The following ARHGEF9 variants were observed in gnomAD, a reference collection of about 807,000 sequenced individuals.
ARHGEF9 encodes the protein Cdc42 guanine nucleotide exchange factor 9.
ARHGEF9 carries 2 observed loss-of-function variants against 41.3 expected under a neutral mutation model. The observed-to-expected ratio is 0.05, with a 90% CI of 0.02 to 0.15. ARHGEF9 has a LOEUF of 0.15. ARHGEF9 is among the 10% of genes least tolerant of loss of function. ARHGEF9 has a pLI of 1.00. For missense variants in ARHGEF9, 225 were observed against 424.7 expected (o/e 0.53, Z 4.13); for synonymous variants, 160 against 154.4 (o/e 1.04, Z -0.27).
intron 2 of ARHGEF9, among the ~76,000 whole-genome samples, chrX:63,717,587 T>C (rs2053390238): frequency 1.8e-5 from 2 of 112,261 alleles, no homozygotes; most frequent in Admixed American, 1.9e-4. Context: ...TTCAGATCTC[T>C]GATGGGCTAT....
chrX:63,701,547 T>C (rs782268033), intron 3 of ARHGEF9: 1 of 112,131 alleles, frequency 8.9e-6, no homozygotes, highest in African/African-American at 3.2e-5. Context: ...GTTCTTCCCA[T>C]GCTGGTGATG....
chrX:63,774,876 G>C (rs1234738184), intron 1 of ARHGEF9, among the ~76,000 whole-genome samples: 1 of 111,794 alleles, frequency 8.9e-6, no homozygotes, highest in Non-Finnish European at 1.9e-5. Flanking sequence ...AGAGTAAACA[G>C]ACAACTTACA....
chrX:63,764,734 C>T (rs1457333124), intron 1 of ARHGEF9, among the ~76,000 whole-genome samples: 1 of 111,759 alleles, frequency 8.9e-6, no homozygotes, highest in Non-Finnish European at 1.9e-5. Flanking sequence ...AAACCAAACA[C>T]TGCATGTTTT....
chrX:63,676,345 A>C (rs1556362215), intron 5 of ARHGEF9, among the ~76,000 whole-genome samples: 1 of 112,225 alleles, frequency 8.9e-6, no homozygotes, highest in Non-Finnish European at 1.9e-5. Context: ...TCTGGATCCC[A>C]TTGCTGACCC....
At chrX:63,704,865 G>A (rs1376650975) in intron 3 of ARHGEF9, among the ~76,000 whole-genome samples, 3 of 111,934 alleles carry the variant, frequency 2.7e-5, no homozygotes, top group Non-Finnish European at 5.6e-5. Flanking sequence ...TGGCAGGGCA[G>A]GGAGTGGGGC....
chrX:63,731,552 GTT>G (rs1165184937), intron 1 of ARHGEF9, among the ~76,000 whole-genome samples: 1 of 75,876 alleles, frequency 1.3e-5, no homozygotes, highest in Admixed American at 1.5e-4. Flanking sequence ...CCCTGTCTCA[GTT>G]TTTTTTTTTT....
rs145935438 is a variant in ARHGEF9 at position 63,737,516 on chromosome X, T to C, written c.31-12805A>G. Among the ~76,000 whole-genome samples the C allele has an allele frequency of 8.6e-3, 958 of 111,626 alleles. 2 individuals carry two copies. Among genetic ancestry groups the C allele is most frequent in the South Asian group, 0.032 (86 of 2,647 alleles). Reference sequence around the variant, plus strand: ...AAAAGGTCAGAAGACAAAACCTGAGTATTTCAAAATTTTGCCATGGGCTAT... The same window carrying C: ...AAAAGGTCAGAAGACAAAACCTGAGCATTTCAAAATTTTGCCATGGGCTAT... On this transcript the variant is annotated intron_variant, in intron 1 of 9. Coordinates refer to ENST00000671741, the MANE Select transcript of ARHGEF9 (RefSeq NM_001353921.2).
chrX:63,637,384 T>C lies in ARHGEF9; in HGVS notation c.*644A>G, dbSNP rs1413545689. The C allele has an allele frequency of 3.4e-6, 1 of 295,855 alleles. No individual in the cohort carries two copies. The highest frequency in any genetic ancestry group is 5.9e-6 in the Non-Finnish European group (1 of 169,728). 24.4% of individuals were successfully genotyped at this position (295,855 alleles called of 1,213,427 possible). ...ACAACAGAGCATGTCCAGACTGGCA[T>C]GACTGAGGACAGAGGATGCTGAAAA... On this transcript the variant is annotated 3_prime_UTR_variant, in exon 10 of 10. Transcript: ENST00000671741.
At chrX:63,685,495 T>C (rs1556374518) in intron 4 of ARHGEF9, among the ~76,000 whole-genome samples, 2 of 111,769 alleles carry the variant, frequency 1.8e-5, no homozygotes, top group East Asian at 5.6e-4. Flanking sequence ...GAAATACAAA[T>C]AACCTAAAAT....
chrX:63,754,079 A>G (rs1197728481), intron 1 of ARHGEF9, among the ~76,000 whole-genome samples: 29 of 112,189 alleles, frequency 2.6e-4, no homozygotes, highest in African/African-American at 8.8e-4. Context: ...GTTTAAAGGT[A>G]GTCTTCAAGG....
intron 1 of ARHGEF9, chrX:63,755,117 C>T: frequency 1.1e-6 from 1 of 938,955 alleles, no homozygotes; most frequent in Non-Finnish European, 1.3e-6. Context: ...CCTCTTCTCT[C>T]CCCATCCCCC....
intron 1 of ARHGEF9, among the ~76,000 whole-genome samples, chrX:63,757,143 T>C (rs2055949271): frequency 9.0e-6 from 1 of 111,533 alleles, no homozygotes. Context: ...GATTTCTGAG[T>C]TCTTCTGATT....
At chrX:63,684,841 G>A (rs2050882400) in intron 4 of ARHGEF9, among the ~76,000 whole-genome samples, 1 of 109,493 alleles carries the variant, frequency 9.1e-6, no homozygotes, top group South Asian at 3.9e-4. Context: ...GGAACCTAGA[G>A]GACATTATGC....
At chrX:63,641,599 T>C (rs2047637379) in intron 9 of ARHGEF9, 1 of 111,514 alleles carries the variant, frequency 9.0e-6, no homozygotes, top group Admixed American at 9.5e-5. Context: ...TTTATAGATA[T>C]TCCTTTGTTT....
intron 4 of ARHGEF9, among the ~76,000 whole-genome samples, chrX:63,695,460 A>G (rs1217220113): frequency 9.0e-6 from 1 of 111,725 alleles, no homozygotes; most frequent in African/African-American, 3.3e-5. Context: ...ACAGCCTTGT[A>G]TGTGCTCCCT....
In ARHGEF9 at chrX:63,636,400, C is replaced by G. The variant is rs782184599; in HGVS notation, c.*1628G>C. 1 of 112,303 alleles carries G rather than the reference C, an allele frequency of 8.9e-6. No individual in the cohort carries two copies. The highest frequency in any genetic ancestry group is 9.6e-5 in the Admixed American group (1 of 10,466). 9.3% of individuals were successfully genotyped at this position (112,303 alleles called of 1,213,427 possible). A position where few individuals can be genotyped will look rare whatever the true frequency, so the allele number is the denominator to read the frequency against. ...TACTCCAACATCCATAGGAAGCCTG[C>G]CTCCTTGTGAAAGAAGTTAGATTTT... is the stretch of plus-strand genomic sequence containing the variant. On this transcript the variant is annotated 3_prime_UTR_variant, in exon 10 of 10. Transcript: ENST00000671741.
At chrX:63,697,037 G>A (rs1602445605) in intron 4 of ARHGEF9, 88 bp downstream of exon 4, 1 of 1,012,925 alleles carries the variant, frequency 9.9e-7, no homozygotes, top group South Asian at 2.3e-5. Flanking sequence ...CAGGAAAAAG[G>A]AGCTGAACAG....
Position 63,778,881 on chromosome X carries a change from G to C in ARHGEF9, c.30+6235C>G, listed in dbSNP as rs372000394. Among the ~76,000 whole-genome samples the C allele has an allele frequency of 4.5e-4, 50 of 111,944 alleles. No homozygotes were observed. In the East Asian group the frequency reaches 7.0e-3, roughly 16 times the overall value. On this transcript the variant is annotated intron_variant, in intron 1 of 9. Coordinates refer to ENST00000671741, the MANE Select transcript of ARHGEF9 (RefSeq NM_001353921.2). ...GAGACCACCTCAGCCTGGACTTTTT[G>C]GTCAAAACCATTCAGTGGTTGATCA...
chrX:63,735,953 T>C (rs1293437390), intron 1 of ARHGEF9, among the ~76,000 whole-genome samples: 1 of 112,105 alleles, frequency 8.9e-6, no homozygotes, highest in Non-Finnish European at 1.9e-5. Context: ...CCAAGGCACC[T>C]AGCAATGCCT....
Sources: gnomAD v4.1 joint callset for allele counts (sites outside exome capture counted in the v4.1 genomes callset) on GRCh38, gnomAD v4.1.1 for gene constraint, MANE v1.5 for transcripts, NCBI Gene and HGNC (gene_info 2026-07-23, HGNC 2026-07-21) for gene names.